ZNF385D: variants seen among roughly 807,000 people sequenced by gnomAD.
ZNF385D encodes the protein zinc finger protein 659.
ZNF385D carries 15 observed loss-of-function variants against 35.8 expected under a neutral mutation model. That is an observed-to-expected ratio of 0.42 (90% confidence interval 0.28 to 0.64). The LOEUF is 0.64. Ranked by LOEUF, ZNF385D falls within the 30% of genes least tolerant of loss-of-function variation. The pLI is 0.23. For missense variants in ZNF385D, 474 were observed against 494.6 expected (o/e 0.96, Z 0.39); for synonymous variants, 212 against 186.8 (o/e 1.13, Z -1.10).
At chr3:21,573,355 A>C (rs1395488395) in intron 2 of ZNF385D, among the ~76,000 whole-genome samples, 2 of 152,200 alleles carry the variant, frequency 1.3e-5, no homozygotes, top group African/African-American at 4.8e-5. Context: ...AATTTAAAAT[A>C]ACAAGATTAT....
exon 2 of ZNF385D, chr3:22,372,482 A>G: frequency 2.0e-6 from 2 of 985,016 alleles, no homozygotes; most frequent in Non-Finnish European, 2.4e-6. Flanking sequence ...CGCCCCCAGG[A>G]GCTTTTCTCT....
At chr3:21,670,011 A>C (rs1305492579) in intron 1 of ZNF385D, among the ~76,000 whole-genome samples, 4 of 152,160 alleles carry the variant, frequency 2.6e-5, no homozygotes, top group Non-Finnish European at 5.9e-5. Context: ...ACTTCATCTT[A>C]ATCTTAACCT....
At position 21,608,096 on chromosome 3, in the gene ZNF385D, A is replaced by G. The variant is rs185642335; in HGVS notation, c.166-43412T>C. Among the ~76,000 whole-genome samples the G allele has an allele frequency of 5.8e-5, 8 of 138,244 alleles. No homozygotes were observed. The East Asian group carries it at 1.1e-3, about 19-fold the overall frequency. The allele number at this position is 138,244 out of a possible 152,430, so 90.7% of individuals were successfully genotyped here. On this transcript the variant is annotated intron_variant, in intron 2 of 7. Coordinates refer to ENST00000281523, the MANE Select transcript of ZNF385D (RefSeq NM_024697.3). ...ATGATCTCAGCTCACTGTAACCTCC[A>G]CCTCCTGGGATTAAGTGATTCTCCT...
At chr3:22,143,686 T>C (rs1231618898) in intron 3 of ZNF385D, among the ~76,000 whole-genome samples, 1 of 152,190 alleles carries the variant, frequency 6.6e-6, no homozygotes, top group Non-Finnish European at 1.5e-5. Context: ...GTAATGAACA[T>C]CAACATATTA....
intron 4 of ZNF385D, among the ~76,000 whole-genome samples, chr3:21,485,653 T>C (rs1374720723): frequency 6.6e-6 from 1 of 152,086 alleles, no homozygotes; most frequent in African/African-American, 2.4e-5. Flanking sequence ...CACCTCTGCC[T>C]CAAAATTCTA....
rs532312074 is a variant in ZNF385D at position 21,784,917 on chromosome 3, AT to A, written c.326-119890del. 2.6e-3 allele frequency among the ~76,000 whole-genome samples: 395 copies of A among 152,108 alleles called. 4 individuals carry two copies. The highest frequency in any genetic ancestry group is 8.3e-3 in the African/African-American group (344 of 41,512). ...TTATCATGGACTTTTTTGCATTTTA[AT>A]TTTTTTAAATGTTGCATTCAAATAT... On this transcript the variant is annotated intron_variant, in intron 3 of 5. Coordinates refer to the ZNF385D transcript ENST00000494108.
chr3:22,225,570 C>T (rs998764274), intron 2 of ZNF385D, among the ~76,000 whole-genome samples: 2 of 152,126 alleles, frequency 1.3e-5, no homozygotes, highest in Admixed American at 1.3e-4. Flanking sequence ...TCTACACTGG[C>T]TCCCAGAGTT....
intron 4 of ZNF385D, among the ~76,000 whole-genome samples, chr3:21,474,447 T>C (rs897506834): frequency 2.0e-5 from 3 of 152,128 alleles, no homozygotes; most frequent in Admixed American, 6.6e-5. Context: ...CATTCTATCC[T>C]TTCAGGTAAC....
intron 3 of ZNF385D, among the ~76,000 whole-genome samples, chr3:22,095,113 TG>T (rs11328252): frequency 0.83 from 109,655 of 131,492 alleles, 46,936 homozygotes; most frequent in African/African-American, 0.96. Context: ...TTTGTAGAGA[TG>T]GGGGGTCTCA....
chr3:21,805,849 G>A (rs947715178), intron 3 of ZNF385D, among the ~76,000 whole-genome samples: 1 of 152,160 alleles, frequency 6.6e-6, no homozygotes, highest in Non-Finnish European at 1.5e-5. Flanking sequence ...GGATCTCATA[G>A]AAAATGAACC....
intron 1 of ZNF385D, among the ~76,000 whole-genome samples, chr3:21,699,830 T>A (rs2067610550): frequency 7.3e-6 from 1 of 137,320 alleles, no homozygotes; most frequent in African/African-American, 2.9e-5. Context: ...TTCCTTTTTT[T>A]TTTTTTTTTT....
At chr3:21,658,564 A>C (rs1056390307) in intron 2 of ZNF385D, among the ~76,000 whole-genome samples, 9 of 150,898 alleles carry the variant, frequency 6.0e-5, no homozygotes, top group African/African-American at 1.9e-4. Flanking sequence ...CTTTTTATTT[A>C]TCTATATCTA....
chr3:21,754,751 T>C (rs1261348523), upstream of ZNF385D, among the ~76,000 whole-genome samples: 1 of 152,208 alleles, frequency 6.6e-6, no homozygotes, highest in Non-Finnish European at 1.5e-5. Context: ...TGATTTCTCC[T>C]CACTGGAATA....
In ZNF385D at chr3:22,032,211, T is replaced by A. The variant is rs529489139; in HGVS notation, c.325+136606A>T. Among the ~76,000 whole-genome samples the A allele has an allele frequency of 3.3e-5, 5 of 152,340 alleles. No homozygotes were observed. The South Asian group carries it at 8.3e-4, about 25-fold the overall frequency. ...CTGTCTTCTTCTGAGCCTTCCAAAC[T>A]GTTTCAACCTCTGCCAGTTACCCAG... On this transcript the variant is annotated intron_variant, in intron 3 of 5. Transcript: ENST00000494108.
At chr3:22,247,751 C>T (rs1386141732) in intron 2 of ZNF385D, among the ~76,000 whole-genome samples, 2 of 151,892 alleles carry the variant, frequency 1.3e-5, no homozygotes, top group Non-Finnish European at 2.9e-5. Flanking sequence ...ACTACAGGCA[C>T]ATGCCACCAC....
intron 1 of ZNF385D, 86 bp downstream of exon 1, chr3:21,750,809 G>A: frequency 6.4e-7 from 1 of 1,554,096 alleles, no homozygotes; most frequent in South Asian, 1.1e-5. Context: ...ACATATTCTT[G>A]CTGCTTAAAG....
At chr3:21,822,545 T>C (rs568366299) in intron 3 of ZNF385D, among the ~76,000 whole-genome samples, 81 of 152,282 alleles carry the variant, frequency 5.3e-4, no homozygotes, top group African/African-American at 1.9e-3. Flanking sequence ...TTTAGACATA[T>C]GTATCCTACA....
intron 3 of ZNF385D, among the ~76,000 whole-genome samples, chr3:21,794,271 A>G (rs914843893): frequency 1.3e-5 from 2 of 151,980 alleles, no homozygotes; most frequent in Non-Finnish European, 2.9e-5. Flanking sequence ...TAAACCTAAG[A>G]GCTTAAATAG....
At chr3:22,019,587 T>A (rs935016721) in intron 3 of ZNF385D, among the ~76,000 whole-genome samples, 1 of 151,944 alleles carries the variant, frequency 6.6e-6, no homozygotes, top group South Asian at 2.1e-4. Context: ...AATCCTTTTA[T>A]TTGTGTCTGA....
Sources: allele counts gnomAD v4.1 joint callset (sites outside exome capture counted in the v4.1 genomes callset), GRCh38; gene constraint gnomAD v4.1.1; transcripts MANE v1.5; gene names NCBI Gene and HGNC (gene_info 2026-07-23, HGNC 2026-07-21).